The following DLGAP1 variants were observed in gnomAD, a reference collection of about 807,000 sequenced individuals.
DLGAP1 encodes DLG associated protein 1.
A neutral mutation model predicts 90.8 loss-of-function variants in DLGAP1; 11 were observed. The observed-to-expected ratio is 0.12, with a 90% CI of 0.08 to 0.20. The LOEUF (loss-of-function observed/expected upper bound fraction) is 0.20. DLGAP1 is among the 10% of genes least tolerant of loss of function. The pLI is 1.00. For missense variants in DLGAP1, 1,050 were observed against 1,333.8 expected (o/e 0.79, Z 3.31); for synonymous variants, 558 against 540.7 (o/e 1.03, Z -0.44).
chr18:3,675,321 G>T (rs12958656), intron 7 of DLGAP1, among the ~76,000 whole-genome samples: 2 of 151,898 alleles, frequency 1.3e-5, no homozygotes, highest in African/African-American at 4.8e-5. Context: ...GTAATCCGCC[G>T]GCCTCAGCCT....
chr18:3,984,576 A>G (rs2073804222), intron 3 of DLGAP1, among the ~76,000 whole-genome samples: 4 of 152,116 alleles, frequency 2.6e-5, no homozygotes, highest in African/African-American at 9.7e-5. Flanking sequence ...TGGCGACTCT[A>G]AAGCCATCTT....
intron 2 of DLGAP1, among the ~76,000 whole-genome samples, chr18:4,031,568 GT>G (rs920822384): frequency 1.2e-4 from 19 of 152,270 alleles, no homozygotes; most frequent in African/African-American, 4.6e-4. Context: ...AAGCAACAGT[GT>G]TTGTCAAGGA....
intron 7 of DLGAP1, among the ~76,000 whole-genome samples, chr18:3,720,411 G>A (rs1377588041): frequency 6.6e-6 from 1 of 152,142 alleles, no homozygotes; most frequent in Non-Finnish European, 1.5e-5. Flanking sequence ...ATGTGAGACT[G>A]TTTCAAATGC....
intron 1 of DLGAP1, among the ~76,000 whole-genome samples, chr18:4,402,259 A>G (rs1185631940): frequency 6.6e-6 from 1 of 152,230 alleles, no homozygotes; most frequent in Non-Finnish European, 1.5e-5. Flanking sequence ...TAAGATGCAT[A>G]AGAGGTCATA....
At chr18:4,058,562 G>A (rs2075256006) in intron 2 of DLGAP1, among the ~76,000 whole-genome samples, 2 of 152,118 alleles carry the variant, frequency 1.3e-5, no homozygotes, top group Admixed American at 1.3e-4. Context: ...TTGGGAGGAG[G>A]GAAAATTCTT....
At chr18:4,430,945 T>C in intron 1 of DLGAP1, 1 of 155,884 alleles carries the variant, frequency 6.4e-6, no homozygotes, top group Non-Finnish European at 1.4e-5. Context: ...ACGATTGCTC[T>C]GCAGGCTTAG....
chr18:3,993,999 G>A (rs903066192), intron 3 of DLGAP1, among the ~76,000 whole-genome samples: 1 of 152,154 alleles, frequency 6.6e-6, no homozygotes, highest in Non-Finnish European at 1.5e-5. Context: ...GTAAGAATGT[G>A]GTGAGTGAAG....
At chr18:3,585,164 G>A (rs2055803600) in intron 7 of DLGAP1, among the ~76,000 whole-genome samples, 1 of 152,240 alleles carries the variant, frequency 6.6e-6, no homozygotes, top group Admixed American at 6.5e-5. Context: ...GTGCTTGCAA[G>A]GTGCAGAGTC....
chr18:3,952,264 C>T (rs1376404502), intron 3 of DLGAP1, among the ~76,000 whole-genome samples: 1 of 152,074 alleles, frequency 6.6e-6, no homozygotes, highest in Non-Finnish European at 1.5e-5. Context: ...TCTTTTAATG[C>T]CAGATGGGAA....
intron 10 of DLGAP1, among the ~76,000 whole-genome samples, chr18:3,528,346 T>TA (rs1304411062): frequency 6.6e-6 from 1 of 152,080 alleles, no homozygotes; most frequent in Admixed American, 6.5e-5. Flanking sequence ...CCGCCCCTCT[T>TA]ACAAAAAAAG....
At chr18:4,243,392 C>G (rs558507565) in intron 1 of DLGAP1, among the ~76,000 whole-genome samples, 1 of 126,556 alleles carries the variant, frequency 7.9e-6, no homozygotes, top group East Asian at 2.7e-4. Context: ...CTGAGGACAG[C>G]CTTGTCCTCA....
intron 3 of DLGAP1, among the ~76,000 whole-genome samples, chr18:3,904,876 T>A (rs1374569796): frequency 6.6e-6 from 1 of 152,106 alleles, no homozygotes; most frequent in East Asian, 1.9e-4. Flanking sequence ...ATAAAAGTAA[T>A]AAAAGCATGT....
chr18:3,769,402 G>T (rs1367149460), intron 5 of DLGAP1, among the ~76,000 whole-genome samples: 1 of 152,136 alleles, frequency 6.6e-6, no homozygotes. Context: ...CTGGGAATTT[G>T]TCTTAGAGAA....
At chr18:3,942,761 T>C (rs1415099758) in intron 3 of DLGAP1, among the ~76,000 whole-genome samples, 1 of 152,204 alleles carries the variant, frequency 6.6e-6, no homozygotes, top group African/African-American at 2.4e-5. Flanking sequence ...ACCTAACACT[T>C]ACTAAACAGT....
chr18:3,567,161 T>G (rs181587916), intron 9 of DLGAP1, among the ~76,000 whole-genome samples: 1 of 152,180 alleles, frequency 6.6e-6, no homozygotes, highest in Non-Finnish European at 1.5e-5. Context: ...GTAAGTTCTC[T>G]TCTCATAAAA....
At chr18:3,904,590 A>C (rs79959473) in intron 3 of DLGAP1, among the ~76,000 whole-genome samples, 7,108 of 152,252 alleles carry the variant, frequency 0.047, 225 homozygotes, top group South Asian at 0.058. Context: ...GTGGGTTTTT[A>C]GTGATGATTA....
At chr18:4,042,675 G>C (rs1223192876) in intron 2 of DLGAP1, among the ~76,000 whole-genome samples, 2 of 152,180 alleles carry the variant, frequency 1.3e-5, no homozygotes, top group African/African-American at 4.8e-5. Context: ...CGGAGGCGAA[G>C]GTTGCAATAA....
At chr18:4,214,765 A>G (rs1046126766) in intron 1 of DLGAP1, among the ~76,000 whole-genome samples, 5 of 152,184 alleles carry the variant, frequency 3.3e-5, no homozygotes, top group Non-Finnish European at 7.3e-5. Flanking sequence ...TAACCTTAGC[A>G]GTGAATTCCA....
chr18:3,879,947 G>A lies in DLGAP1; in HGVS notation c.122C>T (p.Pro41Leu). The change falls in exon 4 of 13, where the codon CCC (proline) becomes CTC (leucine). Residue 41 changes from proline to leucine, a missense_variant. Coordinates refer to ENST00000315677, the MANE Select transcript of DLGAP1 (RefSeq NM_004746.4). This position sits in a 1 kb window ranked among gnomAD's most constrained non-coding sequence, Gnocchi z 6.6. ...PYLLSPVEHHPADHPYYTQRN... is the reference protein window; with the variant it reads ...PYLLSPVEHHLADHPYYTQRN... ...CTGGGTGTAGTATGGGTGGTCTGCG[G>A]GGTGGTGCTCCACTGGGCTCAGCAG... The A allele has an allele frequency of 6.2e-7, 1 of 1,612,924 alleles. No homozygotes were observed.
Sources: gnomAD v4.1 joint callset for allele counts (sites outside exome capture counted in the v4.1 genomes callset) on GRCh38, gnomAD v4.1.1 for gene constraint, Gnocchi (gnomAD v3.1) non-coding constraint, MANE v1.5 for transcripts, NCBI Gene and HGNC (gene_info 2026-07-23, HGNC 2026-07-21) for gene names.